The following ZMAT4 variants were observed in gnomAD, a reference collection of about 807,000 sequenced individuals.
ZMAT4 encodes zinc finger matrin-type protein 4.
Under a neutral mutation model 28.7 loss-of-function variants are expected in ZMAT4, and 17 were observed. That is an observed-to-expected ratio of 0.59 (90% CI 0.41 to 0.89). The LOEUF is 0.89. Ranked by LOEUF, ZMAT4 falls within the 40% of genes least tolerant of loss-of-function variation. The pLI is 0.00. For synonymous variants in ZMAT4, 117 were observed against 109.2 expected (o/e 1.07, Z -0.44); for missense variants, 240 against 283.8 (o/e 0.85, Z 1.11).
At chr8:40,628,894 A>G (rs1806469937) in intron 5 of ZMAT4, among the ~76,000 whole-genome samples, 1 of 152,164 alleles carries the variant, frequency 6.6e-6, no homozygotes, top group Admixed American at 6.6e-5. Context: ...ATCTAACTAC[A>G]TAGATGTAAA....
At chr8:40,641,098 A>G (rs921964278) in intron 5 of ZMAT4, among the ~76,000 whole-genome samples, 38 of 152,352 alleles carry the variant, frequency 2.5e-4, no homozygotes, top group African/African-American at 8.7e-4. Context: ...TAAAAGAATG[A>G]CTAAAGCTAG....
chr8:40,773,767 T>A (rs1353945523), intron 2 of ZMAT4, among the ~76,000 whole-genome samples: 1 of 152,076 alleles, frequency 6.6e-6, no homozygotes, highest in Non-Finnish European at 1.5e-5. Flanking sequence ...GGTCTTTCAC[T>A]TTAATAGCAG....
At chr8:40,834,423 G>A (rs1347055884) in intron 1 of ZMAT4, among the ~76,000 whole-genome samples, 1 of 152,088 alleles carries the variant, frequency 6.6e-6, no homozygotes, top group African/African-American at 2.4e-5. Flanking sequence ...GATTTTCACT[G>A]TAAATTCTAT....
intron 5 of ZMAT4, among the ~76,000 whole-genome samples, chr8:40,616,571 T>A (rs1215294745): frequency 6.6e-6 from 1 of 152,032 alleles, no homozygotes; most frequent in Non-Finnish European, 1.5e-5. Flanking sequence ...AAAGGATGAG[T>A]TCATGTCCTT....
intron 5 of ZMAT4, among the ~76,000 whole-genome samples, chr8:40,649,309 A>C (rs899943641): frequency 2.0e-5 from 3 of 152,280 alleles, no homozygotes. Flanking sequence ...AAACCAACAA[A>C]GATCAAAAGA....
At chr8:40,669,066 T>C (rs141251938) in intron 5 of ZMAT4, among the ~76,000 whole-genome samples, 22 of 152,130 alleles carry the variant, frequency 1.4e-4, no homozygotes, top group Admixed American at 1.3e-4. Context: ...GTGGACACTA[T>C]GGAAGAGAAC....
chr8:40,697,124 G>C (rs1809922137), intron 4 of ZMAT4, 121 bp downstream of exon 4: 4 of 1,216,774 alleles, frequency 3.3e-6, no homozygotes, highest in Non-Finnish European at 4.5e-6. Context: ...TTTAGGCTTT[G>C]AATGACGTCT....
intron 4 of ZMAT4, among the ~76,000 whole-genome samples, chr8:40,682,639 C>T (rs571655085): frequency 1.6e-4 from 24 of 152,270 alleles, no homozygotes; most frequent in Non-Finnish European, 2.8e-4. Context: ...TTTCACATTT[C>T]CTGAGAATGA....
chr8:40,825,197 C>A (rs908079042), intron 2 of ZMAT4, among the ~76,000 whole-genome samples: 1 of 152,130 alleles, frequency 6.6e-6, no homozygotes, highest in Non-Finnish European at 1.5e-5. Flanking sequence ...GTCTTCTGAG[C>A]TTATCTTTGG....
intron 5 of ZMAT4, among the ~76,000 whole-genome samples, chr8:40,656,658 C>T (rs1268712337): frequency 2.6e-5 from 4 of 151,894 alleles, no homozygotes; most frequent in African/African-American, 9.7e-5. Flanking sequence ...ACACATTATG[C>T]TAAATATCTG....
intron 1 of ZMAT4, among the ~76,000 whole-genome samples, chr8:40,893,667 C>A (rs1457631863): frequency 6.6e-6 from 1 of 152,180 alleles, no homozygotes; most frequent in Non-Finnish European, 1.5e-5. Flanking sequence ...GTTTTCTTTC[C>A]AACTTTTTAA....
At chr8:40,543,668 G>A (rs1432122326) in intron 6 of ZMAT4, among the ~76,000 whole-genome samples, 1 of 152,194 alleles carries the variant, frequency 6.6e-6, no homozygotes, top group African/African-American at 2.4e-5. Flanking sequence ...GGCCGTATAG[G>A]CCTTTGGTGA....
chr8:40,752,415 T>G (rs1034989038), intron 3 of ZMAT4, among the ~76,000 whole-genome samples: 6 of 152,188 alleles, frequency 3.9e-5, no homozygotes, highest in African/African-American at 4.8e-5. Flanking sequence ...TCTACCAGGC[T>G]GCCCACTACC....
At chr8:40,867,394 C>T (rs1184448205) in intron 1 of ZMAT4, among the ~76,000 whole-genome samples, 1 of 152,174 alleles carries the variant, frequency 6.6e-6, no homozygotes, top group African/African-American at 2.4e-5. Flanking sequence ...CAAAGTGATC[C>T]TGGTGAACAT....
intron 5 of ZMAT4, among the ~76,000 whole-genome samples, chr8:40,607,117 CTTTTTTTTTTTT>C (rs71544299): frequency 1.5e-5 from 1 of 65,716 alleles, no homozygotes; most frequent in Non-Finnish European, 2.7e-5. Flanking sequence ...TATCTTGTAT[CTTTTTTTTTTTT>C]TTTTTTTTTT....
chr8:40,838,699 C>A (rs1816588847), intron 1 of ZMAT4, among the ~76,000 whole-genome samples: 1 of 152,166 alleles, frequency 6.6e-6, no homozygotes, highest in Non-Finnish European at 1.5e-5. Flanking sequence ...CCTGCCCCTC[C>A]TAACACCCTC....
At chr8:40,718,667 C>T (rs1245705115) in intron 3 of ZMAT4, among the ~76,000 whole-genome samples, 1 of 152,134 alleles carries the variant, frequency 6.6e-6, no homozygotes, top group Non-Finnish European at 1.5e-5. Flanking sequence ...TTCTTTCCCT[C>T]ATCCAGTTCG....
intron 3 of ZMAT4, among the ~76,000 whole-genome samples, chr8:40,725,588 A>C (rs1811285530): frequency 6.6e-6 from 1 of 152,136 alleles, no homozygotes; most frequent in Admixed American, 6.5e-5. Context: ...GTCACAGAGG[A>C]ATCAAGTGAT....
intron 3 of ZMAT4, among the ~76,000 whole-genome samples, chr8:40,713,357 CAT>C (rs1045759055): frequency 9.3e-5 from 14 of 150,976 alleles, no homozygotes; most frequent in Non-Finnish European, 2.9e-5. Flanking sequence ...CAGTTCAAAA[CAT>C]AAAATATATG....
Sources: gnomAD v4.1 joint callset for allele counts (sites outside exome capture counted in the v4.1 genomes callset) on GRCh38, gnomAD v4.1.1 for gene constraint, MANE v1.5 for transcripts, NCBI Gene and HGNC (gene_info 2026-07-23, HGNC 2026-07-21) for gene names.